Variants in LRP10 observed in about 807,000 individuals in gnomAD.
LRP10 encodes low-density lipoprotein receptor-related protein 10.
LRP10 carries 42 observed loss-of-function variants against 58.5 expected under a neutral mutation model. The ratio of observed to expected loss-of-function variants is 0.72; its 90% CI spans 0.56 to 0.93. The LOEUF is 0.93. Ranked by LOEUF, LRP10 falls within the 40% of genes least tolerant of loss-of-function variation. The pLI, the probability that LRP10 is intolerant of heterozygous loss-of-function variation, is 0.00. For synonymous variants in LRP10, 377 were observed against 388.5 expected (o/e 0.97, Z 0.35); for missense variants, 872 against 940.1 (o/e 0.93, Z 0.95).
chr14:22,873,362 G>A lies in LRP10; in HGVS notation c.131G>A (p.Arg44Lys). 1.9e-6 allele frequency: 3 copies of A among 1,614,130 alleles called. No individual in the cohort carries two copies. The highest frequency in any genetic ancestry group is 2.2e-5 in the East Asian group (1 of 44,882). The change falls in exon 3 of 7, where the codon AGG (arginine) becomes AAG (lysine). Residue 44 changes from arginine to lysine, a missense_variant. By Grantham distance (26) the Arg-to-Lys change is conservative (BLOSUM62 2). Coordinates refer to ENST00000359591, the MANE Select transcript of LRP10 (RefSeq NM_014045.5). Reference sequence around the variant, plus strand: ...TTAGAAGTGCAGGGCACCTTACAGAGGCCCCTGGTCCGGGACAGCCGCACC... The same window carrying A: ...TTAGAAGTGCAGGGCACCTTACAGAAGCCCCTGGTCCGGGACAGCCGCACC... Reference protein sequence around the residue: ...VLLEVQGTLQRPLVRDSRTSP... With the variant: ...VLLEVQGTLQKPLVRDSRTSP...
rs930930510 is a variant in LRP10 at position 22,872,114 on chromosome 14, C to T, written c.-190C>T. 4 of 624,746 alleles carry T rather than the reference C, an allele frequency of 6.4e-6. No homozygotes were observed. Among genetic ancestry groups the T allele is most frequent in the Middle Eastern group, 4.0e-4 (1 of 2,480 alleles). The allele number at this position is 624,746 out of a possible 1,614,324, so 38.7% of individuals were successfully genotyped here. On this transcript the variant is annotated 5_prime_UTR_variant, in exon 1 of 7. Coordinates refer to ENST00000359591, the MANE Select transcript of LRP10 (RefSeq NM_014045.5). ...ACTCCAAAGTTGGCGAAAGGCACCG[C>T]CCCTACTCCCGGGCTGCCGCCGCCT... is the stretch of plus-strand genomic sequence containing the variant.
Position 22,877,278 on chromosome 14 carries a change from C to G in LRP10, c.1893C>G (p.Pro631=), listed in dbSNP as rs2040018577. Residue 631 remains proline, a synonymous_variant, in exon 7 of 7, where the codon CCC becomes CCG. Transcript: ENST00000359591. This position sits in a 1 kb window ranked among gnomAD's most constrained non-coding sequence, Gnocchi z 5.1. ...PLPSASTSPA[P]TTVPEAPGPL... The stretch of plus-strand genomic sequence containing the variant: ...CATCTGCTAGCACGTCTCCAGCCCC[C>G]ACTACTGTCCCTGAAGCCCCAGGGC... 1.2e-6 allele frequency: 2 copies of G among 1,611,636 alleles called. No individual in the cohort carries two copies. The highest frequency in any genetic ancestry group is 1.7e-4 in the Middle Eastern group (1 of 6,048).
chr14:22,876,929 T>C lies in LRP10; in HGVS notation c.1555-11T>C. 2 of 1,581,276 alleles carry C rather than the reference T, an allele frequency of 1.3e-6. No homozygotes were observed. Among genetic ancestry groups the C allele is most frequent in the African/African-American group, 2.7e-5 (2 of 74,396 alleles). ...GCCCTCTGACTCTGAGGCCTCCTCA[T>C]TTCCTTGCAGAACTCAGTGCTGGGC... is the stretch of plus-strand genomic sequence containing the variant. On this transcript the variant is annotated splice_polypyrimidine_tract_variant and intron_variant, in intron 6 of 6. Transcript: ENST00000359591.
Position 22,875,183 on chromosome 14 carries a change from C to T in LRP10, c.344C>T (p.Thr115Ile). The change falls in exon 4 of 7, where the codon ACT (threonine) becomes ATT (isoleucine). Residue 115 changes from threonine (T) to isoleucine (I), a missense_variant. Transcript: ENST00000359591. The stretch of plus-strand genomic sequence containing the variant: ...CTGCCCGGGGGCAACGTCACCATCA[C>T]TTACAGCTATGCTGGGGCCAGAGCA... ...LQLPGGNVTI[T>I]YSYAGARAPM... is the part of the protein sequence containing the mutation. The T allele has an allele frequency of 6.2e-7, 1 of 1,613,320 alleles. No homozygotes were observed. Among genetic ancestry groups the T allele is most frequent in the Non-Finnish European group, 8.5e-7 (1 of 1,179,594 alleles).
chr14:22,876,554 A>T, intron 5 of LRP10, 135 bp from the exon 6 acceptor site: 1 of 1,375,478 alleles, frequency 7.3e-7, no homozygotes, highest in South Asian at 1.3e-5. Flanking sequence ...GAGGGACCTC[A>T]GATGACCTTT....
rs1258269913 is a variant in LRP10, at chr14:22,876,725, T to C, written c.1461T>C (p.Ile487=). The C allele has an allele frequency of 3.1e-6, 5 of 1,613,880 alleles. No homozygotes were observed. The Admixed American group carries it at 8.3e-5, about 27-fold the overall frequency. The change falls in exon 6 of 7, where the codon ATT becomes ATC. Residue 487 remains isoleucine, a synonymous_variant. Coordinates refer to ENST00000359591, the MANE Select transcript of LRP10 (RefSeq NM_014045.5). ...CCCTCTCCCGGATGGAGGCTGAGAT[T>C]GTGCAGCAGCAGGCACCCCCTTCCT... ...FAPLSRMEAE[I]VQQQAPPSYG...
chr14:22,875,423 T>C lies in LRP10; in HGVS notation c.475T>C (p.Cys159Arg). The C allele has an allele frequency of 6.2e-7, 1 of 1,614,168 alleles. No homozygotes were observed. Among genetic ancestry groups the C allele is most frequent in the Non-Finnish European group, 8.5e-7 (1 of 1,180,030 alleles). ...NHRCVSAVQR[C>R]DGVDACGDGS... The stretch of plus-strand genomic sequence containing the variant: ...CCGCTGTGTATCTGCTGTCCAGCGC[T>C]GTGATGGGGTTGATGCCTGTGGCGA... The change falls in exon 5 of 7, where the codon TGT becomes CGT. Residue 159 changes from cysteine to arginine, a missense_variant. Cys to Arg is a radical substitution (Grantham distance 180). Transcript: ENST00000359591.
chr14:22,872,181 G>C lies in LRP10; in HGVS notation c.-123G>C, dbSNP rs1487700968. On this transcript the variant is annotated 5_prime_UTR_variant, in exon 1 of 7. Coordinates refer to ENST00000359591, the MANE Select transcript of LRP10 (RefSeq NM_014045.5). ...GGCATCCAGAGTACGGGTCGAGCCCGGGCCATGGAGCCCCCCTGGGGAGGC... is the reference window on the plus strand; with the variant it reads ...GGCATCCAGAGTACGGGTCGAGCCCCGGCCATGGAGCCCCCCTGGGGAGGC... 1 of 1,004,716 alleles carries C rather than the reference G, an allele frequency of 1.0e-6. No homozygotes were observed. The highest frequency in any genetic ancestry group is 1.6e-6 in the Non-Finnish European group (1 of 632,982). The allele number at this position is 1,004,716 out of a possible 1,614,324, so 62.2% of individuals were successfully genotyped here.
Position 22,875,200 on chromosome 14 carries a change from G to A in LRP10, c.361G>A (p.Ala121Thr). 5 of 1,611,038 alleles carry A rather than the reference G, an allele frequency of 3.1e-6. No individual in the cohort carries two copies. The South Asian group carries it at 4.4e-5, about 14-fold the overall frequency. Residue 121 changes from alanine (A) to threonine (T), a missense_variant, in exon 4 of 7, where the codon GCC becomes ACC. By Grantham distance (58) the Ala-to-Thr change is moderately conservative. Coordinates refer to ENST00000359591, the MANE Select transcript of LRP10 (RefSeq NM_014045.5). ...NVTITYSYAGARAPMGQGFLL... is the reference protein window; with the variant it reads ...NVTITYSYAGTRAPMGQGFLL... ...CACCATCACTTACAGCTATGCTGGG[G>A]CCAGAGCACCCATGGGCCAGGGCTT...
In LRP10 at chr14:22,876,512, A is replaced by T. The variant is rs1345482743; in HGVS notation, c.1424+140A>T. 5 of 1,326,166 alleles carry T rather than the reference A, an allele frequency of 3.8e-6. No homozygotes were observed. The African/African-American group carries it at 7.3e-5, about 19-fold the overall frequency. The allele number at this position is 1,326,166 out of a possible 1,614,324, so 82.1% of individuals were successfully genotyped here. A position where few individuals can be genotyped will look rare whatever the true frequency, so the allele number is the denominator to read the frequency against. On this transcript the variant is annotated intron_variant, in intron 5 of 6. Transcript: ENST00000359591. Reference sequence around the variant, plus strand: ...TTGTCAGTTGTGTCCTGTAAGGGACAGGTCCAGATCCTGAAAGCAGTTTCA... The same window carrying T: ...TTGTCAGTTGTGTCCTGTAAGGGACTGGTCCAGATCCTGAAAGCAGTTTCA...
At chr14:22,873,528 T>G in intron 3 of LRP10, 82 bp downstream of exon 3, 1 of 769,610 alleles carries the variant, frequency 1.3e-6, no homozygotes, top group African/African-American at 2.2e-5. Context: ...GATCACTTCT[T>G]TTTTTTTTTT....
At position 22,875,960 on chromosome 14, in the gene LRP10, T is replaced by C. The variant is rs1231716777; in HGVS notation, c.1012T>C (p.Cys338Arg). 1 of 1,613,652 alleles carries C rather than the reference T, an allele frequency of 6.2e-7. No individual in the cohort carries two copies. The highest frequency in any genetic ancestry group is 1.7e-5 in the Admixed American group (1 of 60,034). Residue 338 changes from cysteine to arginine, a missense_variant, in exon 5 of 7, where the codon TGT (cysteine) becomes CGT (arginine). Cys to Arg is a radical substitution (Grantham distance 180). Transcript: ENST00000359591. ...GERCYSEAQRCDGSWDCADGT... is the reference protein window; with the variant it reads ...GERCYSEAQRRDGSWDCADGT... ...GCGCTGCTACAGTGAGGCACAGCGC[T>C]GTGACGGCTCATGGGACTGTGCTGA...
At chr14:22,876,483 C>T (rs1444292702) in intron 5 of LRP10, 111 bp downstream of exon 5, 5 of 1,400,318 alleles carry the variant, frequency 3.6e-6, no homozygotes, top group Non-Finnish European at 4.9e-6. Flanking sequence ...CTCCCATGAT[C>T]AGCTTGTCAG....
rs1477262973 is a variant in LRP10, at chr14:22,876,152, G to C, written c.1204G>C (p.Gly402Arg). Residue 402 changes from glycine (G) to arginine (R), a missense_variant, in exon 5 of 7, where the codon GGC (glycine) becomes CGC (arginine). Coordinates refer to ENST00000359591, the MANE Select transcript of LRP10 (RefSeq NM_014045.5). ...GAGACGCTGTCGGCATTGCCAGCCT[G>C]GCAATTTCCGATGCCGGGACGAGAA... The part of the protein sequence containing the change: ...DERRCRHCQP[G>R]NFRCRDEKCV... 2 of 1,614,104 alleles carry C rather than the reference G, an allele frequency of 1.2e-6. No individual in the cohort carries two copies. Among genetic ancestry groups the C allele is most frequent in the Non-Finnish European group, 1.7e-6 (2 of 1,180,054 alleles).
In LRP10 at chr14:22,875,498, C is replaced by T. The variant is rs776913101; in HGVS notation, c.550C>T (p.Pro184Ser). The change falls in exon 5 of 7, where the codon CCA (proline) becomes TCA (serine). Residue 184 changes from proline (P) to serine (S), a missense_variant. Coordinates refer to ENST00000359591, the MANE Select transcript of LRP10 (RefSeq NM_014045.5). ...CSSDPFPGLT[P>S]RPVPSLPCNV... ...CTCAGACCCCTTCCCTGGCCTGACC[C>T]CAAGACCCGTCCCCTCCCTGCCTTG... 6.2e-7 allele frequency: 1 copy of T among 1,614,210 alleles called. No homozygotes were observed.
intron 6 of LRP10, 39 bp downstream of exon 6, chr14:22,876,857 A>C (rs769439084): frequency 6.8e-5 from 109 of 1,607,984 alleles, no homozygotes; most frequent in Non-Finnish European, 9.3e-5. Context: ...TCCTGGTCCC[A>C]GTTCTGCTGT....
In LRP10 at chr14:22,875,884, C is replaced by G. The variant is rs990186032; in HGVS notation, c.936C>G (p.Asp312Glu). The G allele has an allele frequency of 7.4e-6, 12 of 1,613,442 alleles. No homozygotes were observed. The African/African-American group carries it at 1.6e-4, about 22-fold the overall frequency. The change falls in exon 5 of 7, where the codon GAC becomes GAG. Residue 312 changes from aspartate (D) to glutamate (E), a missense_variant. Physicochemically the swap from Asp to Glu is conservative, Grantham distance 45. Transcript: ENST00000359591. ...TGCGGGGCTATTGCTTGCCTTGGGA[C>G]AGACCCTGTGGCTTAGGCTCTGGCC... The part of the protein sequence containing the change: ...YHVRGYCLPW[D>E]RPCGLGSGLG...
rs371692946 is a variant in LRP10, at chr14:22,876,087, G to T, written c.1139G>T (p.Arg380Leu). 6 of 1,613,932 alleles carry T rather than the reference G, an allele frequency of 3.7e-6. No individual in the cohort carries two copies. The highest frequency in any genetic ancestry group is 4.2e-6 in the Non-Finnish European group (5 of 1,180,000). Residue 380 changes from arginine to leucine, a missense_variant, in exon 5 of 7, where the codon CGC becomes CTC. Physicochemically the swap from Arg to Leu is moderately radical, Grantham distance 102. Transcript: ENST00000359591. ...ACAGCCTGCTACCTGCCTGCTGACC[G>T]CTGCAACTACCAGACTTTCTGTGCT... ...GATACYLPAD[R>L]CNYQTFCADG...
At chr14:22,874,866 G>A (rs1178641655) in intron 3 of LRP10, among the ~76,000 whole-genome samples, 189 bp from the exon 4 acceptor site, 1 of 152,238 alleles carries the variant, frequency 6.6e-6, no homozygotes, top group Non-Finnish European at 1.5e-5. Context: ...CAGCCTGGGT[G>A]ACAAGAGTGA....
Sources: allele counts gnomAD v4.1 joint callset (sites outside exome capture counted in the v4.1 genomes callset), GRCh38; gene constraint gnomAD v4.1.1; non-coding constraint Gnocchi (gnomAD v3.1); transcripts MANE v1.5; gene names NCBI Gene and HGNC (gene_info 2026-07-23, HGNC 2026-07-21).